The following SALL1 variants were observed in gnomAD, a reference collection of about 807,000 sequenced individuals.
SALL1 encodes the protein spalt like transcription factor 1, also known as sal-like protein 1.
In SALL1, 10 loss-of-function variants were observed where a neutral mutation model predicts 73.1. The observed-to-expected ratio is 0.14, with a 90% CI of 0.08 to 0.23. The LOEUF (loss-of-function observed/expected upper bound fraction) is 0.23, where lower values mean the gene tolerates loss of function less well. Among genes scored for constraint, SALL1 ranks in the 10% least tolerant of loss-of-function variants. The pLI is 1.00. For synonymous variants in SALL1, 688 were observed against 689.8 expected, an observed-to-expected ratio of 1.00 and a Z score of 0.04; for missense variants, 1,520 against 1,697.3, an observed-to-expected ratio of 0.90 and a Z score of 1.84.
rs748963859 is a variant in SALL1, at chr16:51,141,195, T to C, written c.1027A>G (p.Ile343Val). ...GGGGTGGTAACTGCCGCTGCCAATA[T>C]GTTCATATTGGGAGAAGAGCCGCTG... ...SNSGSSPNMN[I>V]LAAAVTTPSS... is the part of the protein sequence containing the mutation. Residue 343 changes from isoleucine (I) to valine (V), a missense_variant, in exon 2 of 3, where the codon ATA becomes GTA. By Grantham distance (29) the Ile-to-Val change is conservative. Around this residue, in one of 7 missense-constraint regions of SALL1, gnomAD observed 540 missense variants for 567.5 expected, o/e 0.95. Transcript: ENST00000251020. The surrounding 1 kb of genome is among the most constrained non-coding windows in gnomAD (Gnocchi z 5.4). The C allele has an allele frequency of 3.1e-6, 5 of 1,614,122 alleles. No homozygotes were observed. The highest frequency in any genetic ancestry group is 2.2e-5 in the South Asian group (2 of 91,064).
intron 1 of SALL1, among the ~76,000 whole-genome samples, chr16:51,146,716 A>C (rs1437235668): frequency 6.6e-6 from 1 of 152,178 alleles, no homozygotes; most frequent in Non-Finnish European, 1.5e-5. Context: ...ACATATTATG[A>C]TCTGGACCTT....
Position 51,141,755 on chromosome 16 carries a change from C to CTGT in SALL1, c.466_467insACA (p.Ser155_Ser156insAsn). 1 of 1,610,792 alleles carries CTGT rather than the reference C, an allele frequency of 6.2e-7. No homozygotes were observed. The highest frequency in any genetic ancestry group is 1.1e-5 in the South Asian group (1 of 91,032). On this transcript the variant is annotated inframe_insertion, in exon 2 of 3. Coordinates refer to ENST00000251020, the MANE Select transcript of SALL1 (RefSeq NM_002968.3). The surrounding 1 kb of genome is among the most constrained non-coding windows in gnomAD (Gnocchi z 5.4). ...GCTGCCGCCGCCGCCGCTGCTGCTG[C>CTGT]TGCTGCTGCTGCTGCTGCTTGGGGC... is the stretch of plus-strand genomic sequence containing the variant.
At chr16:51,147,780 A>AACACACACACACACAC (rs145285801) in intron 1 of SALL1, among the ~76,000 whole-genome samples, 4,492 of 146,170 alleles carry the variant, frequency 0.031, 100 homozygotes, top group East Asian at 0.058. Context: ...GAAGAACTCC[A>AACACACACACACACAC]ACACACACAC....
chr16:51,137,591 A>G, intron 2 of SALL1, 39 bp from the exon 3 acceptor site: 1 of 1,506,610 alleles, frequency 6.6e-7, no homozygotes, highest in Non-Finnish European at 9.2e-7. Context: ...ACAGAGAGAG[A>G]GAGAGAAAAA....
At chr16:51,148,638 T>G (rs976196126) in intron 1 of SALL1, among the ~76,000 whole-genome samples, 4 of 152,242 alleles carry the variant, frequency 2.6e-5, no homozygotes, top group African/African-American at 9.6e-5. Flanking sequence ...TTTTAAAAGG[T>G]AACCTTGAGT....
In SALL1 at chr16:51,141,846, C is replaced by T; in HGVS notation, c.376G>A (p.Glu126Lys). ...TTGTTAGCAACCGGGGCCTCCACCTCCATGGACTCTTCCCTGTCAAGTCCG... is the reference window on the plus strand; with the variant it reads ...TTGTTAGCAACCGGGGCCTCCACCTTCATGGACTCTTCCCTGTCAAGTCCG... The part of the protein sequence containing the change: ...HNGLDREESM[E>K]VEAPVANKSG... The change falls in exon 2 of 3, where the codon GAG becomes AAG. Residue 126 changes from glutamate (E) to lysine (K), a missense_variant. This residue lies in a region of SALL1 where 540 missense variants were observed against 567.5 expected (regional missense o/e 0.95). Coordinates refer to ENST00000251020, the MANE Select transcript of SALL1 (RefSeq NM_002968.3). The surrounding 1 kb of genome is among the most constrained non-coding windows in gnomAD (Gnocchi z 5.4). 10 of 1,613,900 alleles carry T rather than the reference C, an allele frequency of 6.2e-6. No individual in the cohort carries two copies. The highest frequency in any genetic ancestry group is 2.7e-5 in the African/African-American group (2 of 75,004).
chr16:51,151,719 CCCCTCCCTCTT>C (rs894025462), upstream of SALL1, among the ~76,000 whole-genome samples: 4 of 151,372 alleles, frequency 2.6e-5, no homozygotes, highest in Non-Finnish European at 5.9e-5. Flanking sequence ...CTCTCCCTCT[CCCCTCCCTCTT>C]CCCTCCCTCC....
At position 51,140,234 on chromosome 16, in the gene SALL1, A is replaced by C; in HGVS notation, c.1988T>G (p.Leu663Trp). The C allele has an allele frequency of 6.2e-7, 1 of 1,614,184 alleles. No individual in the cohort carries two copies. Among genetic ancestry groups the C allele is most frequent in the Admixed American group, 1.7e-5 (1 of 60,028 alleles). The change falls in exon 2 of 3, where the codon TTG becomes TGG. Residue 663 changes from leucine (L) to tryptophan (W), a missense_variant. By Grantham distance (61) the Leu-to-Trp change is moderately conservative. Coordinates refer to ENST00000251020, the MANE Select transcript of SALL1 (RefSeq NM_002968.3). This position sits in a 1 kb window ranked among gnomAD's most constrained non-coding sequence, Gnocchi z 5.7. ...GSATTFTNPL[L>W]PLMSEQFKAK... ...CTTGAACTGCTCGGACATGAGCGGC[A>C]ACAAAGGGTTGGTGAAGGTGGTGGC...
At chr16:51,137,595 AG>A in intron 2 of SALL1, 43 bp from the exon 3 acceptor site, 36 of 1,471,368 alleles carry the variant, frequency 2.4e-5, no homozygotes, top group Non-Finnish European at 3.1e-5. Flanking sequence ...AGAGAGAGAG[AG>A]AAAAAAAAGA....
chr16:51,150,332 C>T (rs1407324007), intron 1 of SALL1: 1 of 882,430 alleles, frequency 1.1e-6, no homozygotes, highest in African/African-American at 1.8e-5. Flanking sequence ...TCTTCCCTGA[C>T]CCCCCTGGAA....
chr16:51,140,256 T>C lies in SALL1; in HGVS notation c.1966A>G (p.Thr656Ala). ...AADCGPAGSATTFTNPLLPLM... is the reference protein window; with the variant it reads ...AADCGPAGSAATFTNPLLPLM... ...GGCAACAAAGGGTTGGTGAAGGTGGTGGCACTGCCCGCGGGGCCGCAGTCT... is the reference window on the plus strand; with the variant it reads ...GGCAACAAAGGGTTGGTGAAGGTGGCGGCACTGCCCGCGGGGCCGCAGTCT... The change falls in exon 2 of 3, where the codon ACC becomes GCC. Residue 656 changes from threonine to alanine, a missense_variant. By Grantham distance (58) the Thr-to-Ala change is moderately conservative. Transcript: ENST00000251020. The surrounding 1 kb of genome is among the most constrained non-coding windows in gnomAD (Gnocchi z 5.7). The C allele has an allele frequency of 3.1e-6, 5 of 1,614,144 alleles. No individual in the cohort carries two copies. In the South Asian group the frequency reaches 5.5e-5, roughly 18 times the overall value.
Position 51,151,151 on chromosome 16 carries a change from G to T in SALL1, c.76+15C>A. The T allele has an allele frequency of 6.3e-7, 1 of 1,584,870 alleles. No individual in the cohort carries two copies. The highest frequency in any genetic ancestry group is 8.6e-7 in the Non-Finnish European group (1 of 1,168,218). On this transcript the variant is annotated intron_variant, in intron 1 of 2. Coordinates refer to ENST00000251020, the MANE Select transcript of SALL1 (RefSeq NM_002968.3). ...TGCGTGTGTGTGTGTCCACGGCGCG[G>T]GCCGGAGCACTCACCATCTCGCCGG...
At chr16:51,152,142 C>T (rs1206975619), upstream of SALL1, 2 of 152,130 alleles carry the variant, frequency 1.3e-5, no homozygotes, top group Admixed American at 1.3e-4. Context: ...GGATCCCGGG[C>T]TCGCGGGGGC....
rs199626036 is a variant in SALL1, at chr16:51,139,632, C to T, written c.2590G>A (p.Ala864Thr). 64 of 1,613,478 alleles carry T rather than the reference C, an allele frequency of 4.0e-5. No individual in the cohort carries two copies. Among genetic ancestry groups the T allele is most frequent in the Non-Finnish European group, 5.2e-5 (61 of 1,179,542 alleles). Residue 864 changes from alanine to threonine, a missense_variant, in exon 2 of 3, where the codon GCT (alanine) becomes ACT (threonine). Physicochemically the swap from Ala to Thr is moderately conservative, Grantham distance 58. Around this residue, in one of 7 missense-constraint regions of SALL1, gnomAD observed 266 missense variants for 275.1 expected, o/e 0.97. Coordinates refer to ENST00000251020, the MANE Select transcript of SALL1 (RefSeq NM_002968.3). ...ATCTTCATCTGATTTTCCAAAGCAG[C>T]GATGCTCGACATCTCGAGGGGCAAA... is the stretch of plus-strand genomic sequence containing the variant. ...SPLPLEMSSI[A>T]ALENQMKMIN...
chr16:51,146,000 C>CTTTTTTT (rs11306057), intron 1 of SALL1, among the ~76,000 whole-genome samples: 2 of 118,494 alleles, frequency 1.7e-5, no homozygotes, highest in Non-Finnish European at 3.6e-5. Flanking sequence ...TTTTCTTTTT[C>CTTTTTTT]TTTTTTTTTT....
chr16:51,136,699 T>C lies in SALL1; in HGVS notation c.*413A>G. 1 of 263,926 alleles carries C rather than the reference T, an allele frequency of 3.8e-6. No homozygotes were observed. Among genetic ancestry groups the C allele is most frequent in the Non-Finnish European group, 7.4e-6 (1 of 134,608 alleles). 16.3% of individuals were successfully genotyped at this position (263,926 alleles called of 1,614,324 possible). A position where few individuals can be genotyped will look rare whatever the true frequency, so the allele number is the denominator to read the frequency against. ...AGTGTACATGTATATACAGACTTTA[T>C]TAGAGATCTAATGCATCACTGAGGC... On this transcript the variant is annotated 3_prime_UTR_variant, in exon 3 of 3. Transcript: ENST00000251020.
intron 1 of SALL1, chr16:51,143,554 A>G (rs1314574283): frequency 1.3e-5 from 2 of 159,626 alleles, no homozygotes; most frequent in African/African-American, 4.8e-5. Context: ...AATTGCAGAT[A>G]TGAATAAATG....
Position 51,139,379 on chromosome 16 carries a change from G to A in SALL1, c.2843C>T (p.Pro948Leu). ...AAACTCGCTTGGGACCGCTCTCTGTGGTTTCTCCTCAATGCTGGGTGACTT... is the reference window on the plus strand; with the variant it reads ...AAACTCGCTTGGGACCGCTCTCTGTAGTTTCTCCTCAATGCTGGGTGACTT... ...FHKSPSIEEK[P>L]QRAVPSEFAN... Residue 948 changes from proline (P) to leucine (L), a missense_variant, in exon 2 of 3, where the codon CCA (proline) becomes CTA (leucine). Transcript: ENST00000251020. 1.2e-6 allele frequency: 2 copies of A among 1,614,156 alleles called. No individual in the cohort carries two copies. Among genetic ancestry groups the A allele is most frequent in the South Asian group, 1.1e-5 (1 of 91,082 alleles).
At chr16:51,150,068 C>T (rs1962574473) in intron 1 of SALL1, among the ~76,000 whole-genome samples, 1 of 152,220 alleles carries the variant, frequency 6.6e-6, no homozygotes, top group African/African-American at 2.4e-5. Context: ...GGCCTGGGAG[C>T]TTTGAGGCCG....
Sources: allele counts gnomAD v4.1 joint callset (sites outside exome capture counted in the v4.1 genomes callset), GRCh38; gene constraint gnomAD v4.1.1; regional missense constraint gnomAD v4.1.1; non-coding constraint Gnocchi (gnomAD v3.1); transcripts MANE v1.5; gene names NCBI Gene and HGNC (gene_info 2026-07-23, HGNC 2026-07-21).